Variants in GALNTL6 observed in about 807,000 individuals in gnomAD.
GALNTL6 encodes the protein polypeptide N-acetylgalactosaminyltransferase like 6.
GALNTL6 carries 46 observed loss-of-function variants against 73.7 expected under a neutral mutation model. That is an observed-to-expected ratio of 0.62 (90% confidence interval 0.49 to 0.80). The LOEUF is 0.80. GALNTL6 is among the 30% of genes least tolerant of loss of function. GALNTL6 has a pLI of 0.00. For synonymous variants in GALNTL6, 259 were observed against 263.7 expected, an observed-to-expected ratio of 0.98 and a Z score of 0.17; for missense variants, 604 against 755.0, an observed-to-expected ratio of 0.80 and a Z score of 2.34.
chr4:171,863,957 T>A (rs915709570), intron 2 of GALNTL6, among the ~76,000 whole-genome samples: 2 of 152,164 alleles, frequency 1.3e-5, no homozygotes, highest in Non-Finnish European at 2.9e-5. Flanking sequence ...AGATGGGGTT[T>A]CACCATGTTG....
At chr4:171,900,124 G>T (rs1578953116) in intron 2 of GALNTL6, among the ~76,000 whole-genome samples, 1 of 152,118 alleles carries the variant, frequency 6.6e-6, no homozygotes, top group African/African-American at 2.4e-5. Context: ...CCTCTAAACA[G>T]ATATTTATAT....
chr4:172,218,409 T>G (rs1736563626), intron 2 of GALNTL6, among the ~76,000 whole-genome samples: 1 of 152,138 alleles, frequency 6.6e-6, no homozygotes. Context: ...TGACCTGGTA[T>G]GCTTAGTGTA....
intron 10 of GALNTL6, among the ~76,000 whole-genome samples, chr4:172,978,148 G>A (rs974453967): frequency 6.6e-6 from 1 of 152,144 alleles, no homozygotes; most frequent in Admixed American, 6.5e-5. Context: ...ATTATAATGA[G>A]CAAAGGGTCA....
intron 5 of GALNTL6, among the ~76,000 whole-genome samples, chr4:172,700,901 A>T (rs1320908981): frequency 6.6e-6 from 1 of 152,136 alleles, no homozygotes; most frequent in African/African-American, 2.4e-5. Context: ...ACTTCATTTT[A>T]ACCGAAAATG....
chr4:172,267,621 A>T (rs1738492657), intron 3 of GALNTL6, among the ~76,000 whole-genome samples: 1 of 152,142 alleles, frequency 6.6e-6, no homozygotes, highest in Non-Finnish European at 1.5e-5. Context: ...AATAAGGTTA[A>T]CAAATGAAAA....
intron 5 of GALNTL6, among the ~76,000 whole-genome samples, chr4:172,475,427 AG>A (rs1733196702): frequency 6.6e-6 from 1 of 152,016 alleles, no homozygotes; most frequent in African/African-American, 2.4e-5. Flanking sequence ...GTCATGGACA[AG>A]GTTGGCAGAA....
intron 5 of GALNTL6, among the ~76,000 whole-genome samples, chr4:172,456,177 A>G (rs1732391621): frequency 1.3e-5 from 2 of 152,150 alleles, no homozygotes; most frequent in African/African-American, 4.8e-5. Context: ...GGACATTCAC[A>G]CAAAAAAACC....
intron 2 of GALNTL6, among the ~76,000 whole-genome samples, chr4:171,922,047 A>G (rs1428715879): frequency 1.3e-5 from 2 of 151,886 alleles, no homozygotes; most frequent in African/African-American, 2.4e-5. Context: ...TAATTTGGCT[A>G]TGACAGAAAT....
chr4:172,018,651 G>A (rs1741292552), intron 2 of GALNTL6, among the ~76,000 whole-genome samples: 1 of 152,090 alleles, frequency 6.6e-6, no homozygotes, highest in Non-Finnish European at 1.5e-5. Context: ...GAGAAAGCAA[G>A]TGGGGCTTTT....
intron 2 of GALNTL6, among the ~76,000 whole-genome samples, chr4:172,102,053 GA>G (rs1405738162): frequency 1.2e-4 from 18 of 151,994 alleles, no homozygotes; most frequent in Non-Finnish European, 2.2e-4. Flanking sequence ...TATAAAAGGT[GA>G]AAAAAAGTCC....
In GALNTL6 at chr4:172,606,459, C is replaced by CAA. The variant is rs10622983; in HGVS notation, c.554-202893_554-202892dup. Among the ~76,000 whole-genome samples the CAA allele has an allele frequency of 4.9e-3, 589 of 121,104 alleles. 1 individual carries two copies. Among genetic ancestry groups the CAA allele is most frequent in the Middle Eastern group, 0.013 (3 of 236 alleles). 79.4% of individuals were successfully genotyped at this position (121,104 alleles called of 152,430 possible). On this transcript the variant is annotated intron_variant, in intron 5 of 12. Coordinates refer to ENST00000506823, the MANE Select transcript of GALNTL6 (RefSeq NM_001034845.3). ...ACAGGAGCGAAACTCTGTCTCAAAA[C>CAA]AAAAAAAAAACAAAGAAAACAAAAA... is the stretch of plus-strand genomic sequence containing the variant.
intron 5 of GALNTL6, among the ~76,000 whole-genome samples, chr4:172,782,376 G>A (rs1739415474): frequency 6.6e-6 from 1 of 152,122 alleles, no homozygotes; most frequent in African/African-American, 2.4e-5. Flanking sequence ...TTGAGAGGAA[G>A]CAATTATATT....
At chr4:172,965,742 AT>A (rs1054461407) in intron 10 of GALNTL6, among the ~76,000 whole-genome samples, 5 of 151,822 alleles carry the variant, frequency 3.3e-5, no homozygotes, top group African/African-American at 7.3e-5. Flanking sequence ...GTTAACCAAT[AT>A]TTTTTTTCTT....
intron 5 of GALNTL6, among the ~76,000 whole-genome samples, chr4:172,474,226 C>A (rs769602897): frequency 6.6e-6 from 1 of 152,118 alleles, no homozygotes; most frequent in Non-Finnish European, 1.5e-5. Context: ...TCCACTCAGA[C>A]CTCACCGACT....
chr4:172,587,837 C>T (rs1737475212), intron 5 of GALNTL6, among the ~76,000 whole-genome samples: 1 of 152,164 alleles, frequency 6.6e-6, no homozygotes, highest in African/African-American at 2.4e-5. Flanking sequence ...CATGTACACA[C>T]ATATTCACAC....
intron 2 of GALNTL6, among the ~76,000 whole-genome samples, chr4:171,997,944 C>T (rs572498322): frequency 6.6e-6 from 1 of 152,178 alleles, no homozygotes; most frequent in East Asian, 1.9e-4. Context: ...CTCAGTGGTG[C>T]CTCTTACTCT....
chr4:172,981,162 G>T (rs557544359), intron 10 of GALNTL6, among the ~76,000 whole-genome samples: 48 of 152,254 alleles, frequency 3.2e-4, no homozygotes, highest in African/African-American at 1.2e-3. Flanking sequence ...GTGTACATAG[G>T]CATATAAATA....
chr4:172,021,840 G>A (rs1269937577), intron 2 of GALNTL6, among the ~76,000 whole-genome samples: 1 of 151,964 alleles, frequency 6.6e-6, no homozygotes, highest in African/African-American at 2.4e-5. Flanking sequence ...TTGAGGAAAA[G>A]ATAATCTGTT....
At chr4:172,249,471 A>G (rs1324551187) in intron 3 of GALNTL6, among the ~76,000 whole-genome samples, 1 of 152,206 alleles carries the variant, frequency 6.6e-6, no homozygotes, top group African/African-American at 2.4e-5. Flanking sequence ...TGCATAAGTA[A>G]CAAGGAGCTG....
Sources: gnomAD v4.1 joint callset for allele counts (sites outside exome capture counted in the v4.1 genomes callset) on GRCh38, gnomAD v4.1.1 for gene constraint, MANE v1.5 for transcripts, NCBI Gene and HGNC (gene_info 2026-07-23, HGNC 2026-07-21) for gene names.